Variants in C10orf53 observed in about 807,000 individuals in gnomAD.
C10orf53 encodes the protein chromosome 10 open reading frame 53.
C10orf53 carries 8 observed loss-of-function variants against 9.4 expected under a neutral mutation model. The observed-to-expected ratio is 0.85, with a 90% confidence interval of 0.50 to 1.53. The LOEUF (loss-of-function observed/expected upper bound fraction) is 1.53, where lower values mean the gene tolerates loss of function less well. C10orf53 is among the 40% of genes most tolerant of loss of function. The pLI is 0.00. For synonymous variants in C10orf53, 48 were observed against 46.0 expected (o/e 1.04, Z -0.18); for missense variants, 117 against 117.8 (o/e 0.99, Z 0.03).
intron 2 of C10orf53, among the ~76,000 whole-genome samples, chr10:49,706,470 G>A (rs1300300863): frequency 2.0e-5 from 3 of 152,174 alleles, no homozygotes; most frequent in African/African-American, 7.2e-5. Flanking sequence ...GCTAAGTAAA[G>A]GAAGACCATG....
chr10:49,687,918 G>A (rs1796682588), intron 1 of C10orf53, among the ~76,000 whole-genome samples: 1 of 152,182 alleles, frequency 6.6e-6, no homozygotes, highest in Non-Finnish European at 1.5e-5. Flanking sequence ...ATTTAAGAAG[G>A]AGAAATGGCA....
At chr10:49,682,766 A>G (rs1840492279) in intron 1 of C10orf53, among the ~76,000 whole-genome samples, 1 of 152,208 alleles carries the variant, frequency 6.6e-6, no homozygotes, top group African/African-American at 2.4e-5. Context: ...CTAGCTAGAC[A>G]GAAAAGTTCT....
At chr10:49,699,352 C>T (rs1590647181), downstream of C10orf53, among the ~76,000 whole-genome samples, 1 of 151,904 alleles carries the variant, frequency 6.6e-6, no homozygotes, top group East Asian at 1.9e-4. Flanking sequence ...TGCCACCATA[C>T]CCAGATACTT....
In C10orf53 at chr10:49,696,942, A is replaced by G. The variant is rs571431176; in HGVS notation, c.*2340A>G. Among the ~76,000 whole-genome samples, 4 of 152,350 alleles carry G rather than the reference A, an allele frequency of 2.6e-5. No individual in the cohort carries two copies. In the East Asian group the frequency reaches 7.7e-4, roughly 29 times the overall value. Reference sequence around the variant, plus strand: ...CACTATGGCTTTTGCCTGTAATCCCAGCACTTTGGGAATCCAAGGTGGGTG... The same window carrying G: ...CACTATGGCTTTTGCCTGTAATCCCGGCACTTTGGGAATCCAAGGTGGGTG... On this transcript the variant is annotated 3_prime_UTR_variant, in exon 3 of 3. Coordinates refer to ENST00000374111, the MANE Select transcript of C10orf53 (RefSeq NM_001042427.3).
chr10:49,686,003 G>A (rs1028315503), intron 1 of C10orf53, among the ~76,000 whole-genome samples: 9 of 152,152 alleles, frequency 5.9e-5, no homozygotes, highest in Admixed American at 4.6e-4. Context: ...AGGTCTCCAG[G>A]GCTGTTCATT....
At chr10:49,682,937 G>T (rs1285764479) in intron 1 of C10orf53, among the ~76,000 whole-genome samples, 3 of 152,068 alleles carry the variant, frequency 2.0e-5, no homozygotes, top group African/African-American at 7.2e-5. Flanking sequence ...ATTCCTTTTT[G>T]TGGCAGATAT....
At chr10:49,699,318 C>T (rs951231055), downstream of C10orf53, among the ~76,000 whole-genome samples, 2 of 149,876 alleles carry the variant, frequency 1.3e-5, no homozygotes, top group African/African-American at 2.4e-5. Flanking sequence ...CTCAGCCTTC[C>T]GAATAGCTGA....
At chr10:49,684,594 G>GTC (rs1421647334) in intron 1 of C10orf53, among the ~76,000 whole-genome samples, 2 of 99,922 alleles carry the variant, frequency 2.0e-5, no homozygotes, top group Non-Finnish European at 4.3e-5. Context: ...ATATATTCCT[G>GTC]TTTTGTTCTT....
chr10:49,702,246 A>AGGGG (rs1840689999), downstream of C10orf53, among the ~76,000 whole-genome samples: 1 of 65,822 alleles, frequency 1.5e-5, no homozygotes, highest in Non-Finnish European at 3.2e-5. Context: ...GGAGGGAGGG[A>AGGGG]GGGAGGGAGG....
intron 1 of C10orf53, 58 bp from the exon 2 acceptor site, chr10:49,693,716 G>T (rs1032461274): frequency 1.9e-6 from 3 of 1,562,270 alleles, no homozygotes; most frequent in African/African-American, 2.7e-5. Flanking sequence ...ACTGCTACCA[G>T]TCAGGTTAGT....
intron 1 of C10orf53, among the ~76,000 whole-genome samples, chr10:49,690,343 C>G (rs757115158): frequency 4.6e-5 from 7 of 152,180 alleles, no homozygotes; most frequent in East Asian, 1.9e-4. Context: ...TGCACCCCCC[C>G]ACAACTTTAG....
chr10:49,681,039 A>G (rs1302430440), intron 1 of C10orf53, among the ~76,000 whole-genome samples: 2 of 152,184 alleles, frequency 1.3e-5, no homozygotes, highest in African/African-American at 4.8e-5. Context: ...CTGAACCTAC[A>G]ATGGTTCCAC....
intron 2 of C10orf53, among the ~76,000 whole-genome samples, chr10:49,707,399 A>G (rs1840730445): frequency 6.6e-6 from 1 of 152,178 alleles, no homozygotes; most frequent in Admixed American, 6.5e-5. Context: ...AATTTTCCCA[A>G]AACTGACCTT....
chr10:49,704,480 C>T (rs1291621861), intron 2 of C10orf53, among the ~76,000 whole-genome samples: 2 of 152,210 alleles, frequency 1.3e-5, no homozygotes, highest in Non-Finnish European at 2.9e-5. Context: ...GTAGCTCACA[C>T]CTGTAATCCC....
exon 3 of C10orf53, chr10:49,709,748 A>T (rs1199611129): frequency 6.6e-6 from 1 of 152,456 alleles, no homozygotes; most frequent in African/African-American, 2.4e-5. Context: ...TTAGCAAAGC[A>T]GGCCTTTCAC....
downstream of C10orf53, among the ~76,000 whole-genome samples, chr10:49,701,538 C>A (rs1840682969): frequency 6.6e-6 from 1 of 152,200 alleles, no homozygotes; most frequent in Non-Finnish European, 1.5e-5. Flanking sequence ...TTATTCTACA[C>A]ACAATCAGGG....
chr10:49,700,255 C>T (rs1315879720), downstream of C10orf53, among the ~76,000 whole-genome samples: 2 of 152,042 alleles, frequency 1.3e-5, no homozygotes, highest in Admixed American at 6.5e-5. Context: ...ACCCAGGAAT[C>T]TACTTCTTTC....
chr10:49,696,490 C>G lies in C10orf53; in HGVS notation c.*1888C>G, dbSNP rs556743014. Among the ~76,000 whole-genome samples, 1 of 152,310 alleles carries G rather than the reference C, an allele frequency of 6.6e-6. No individual in the cohort carries two copies. The highest frequency in any genetic ancestry group is 2.1e-4 in the South Asian group (1 of 4,830). ...GTGCTTCCCTCGGCAGCCCCATGCC[C>G]TCCTCCAGCATCCGCCTCAACCCCG... On this transcript the variant is annotated 3_prime_UTR_variant, in exon 3 of 3. Transcript: ENST00000374111.
At chr10:49,698,832 C>T (rs935714053), downstream of C10orf53, among the ~76,000 whole-genome samples, 2 of 152,092 alleles carry the variant, frequency 1.3e-5, no homozygotes, top group South Asian at 2.1e-4. Context: ...AGCACACACC[C>T]GAGGCCTCCG....
Sources: gnomAD v4.1 joint callset for allele counts (sites outside exome capture counted in the v4.1 genomes callset) on GRCh38, gnomAD v4.1.1 for gene constraint, MANE v1.5 for transcripts, NCBI Gene and HGNC (gene_info 2026-07-23, HGNC 2026-07-21) for gene names.